ICE2: variants seen among roughly 807,000 people sequenced by gnomAD.
ICE2 encodes interactor of little elongation complex ELL subunit 2.
A neutral mutation model predicts 105.4 loss-of-function variants in ICE2; 87 were observed. The observed-to-expected ratio is 0.83, with a 90% CI of 0.69 to 0.99. ICE2 has a LOEUF of 0.99. ICE2 is among the 50% of genes least tolerant of loss of function. The pLI, the probability that ICE2 is intolerant of heterozygous loss-of-function variation, is 0.00. For missense variants in ICE2, 1,323 were observed against 1,146.7 expected (o/e 1.15, Z -2.22); for synonymous variants, 399 against 392.0 (o/e 1.02, Z -0.21).
rs570125658 is a variant in ICE2 at position 60,424,956 on chromosome 15, C to T, written c.2821-1194G>A. On this transcript the variant is annotated intron_variant, in intron 15 of 15. Transcript: ENST00000261520. The stretch of plus-strand genomic sequence containing the variant: ...TTTCCACAGAACCTGCCCATATCTG[C>T]CTTTATTTTCCCTGGCCACCTTGTT... Among the ~76,000 whole-genome samples the T allele has an allele frequency of 1.7e-4, 26 of 152,312 alleles. 1 individual carries two copies. The South Asian group carries it at 2.7e-3, about 16-fold the overall frequency.
chr15:60,463,509 C>T (rs979038171), intron 5 of ICE2, among the ~76,000 whole-genome samples: 1 of 152,224 alleles, frequency 6.6e-6, no homozygotes, highest in Non-Finnish European at 1.5e-5. Flanking sequence ...CACGGTGGCT[C>T]ACGCCTATAA....
In ICE2 at chr15:60,458,511, T is replaced by C. The variant is rs542396121; in HGVS notation, c.529-1717A>G. Among the ~76,000 whole-genome samples, 46 of 152,214 alleles carry C rather than the reference T, an allele frequency of 3.0e-4. 1 individual carries two copies. The highest frequency in any genetic ancestry group is 3.4e-3 in the Middle Eastern group (1 of 294). On this transcript the variant is annotated intron_variant, in intron 5 of 15. Transcript: ENST00000261520. ...GAGGAGAAACTAGAGCAGTGAGCAG[T>C]AAGAAAACCTATGAAAGGTGAGGTG...
intron 11 of ICE2, among the ~76,000 whole-genome samples, chr15:60,444,745 C>T (rs539576781): frequency 1.3e-5 from 2 of 151,996 alleles, no homozygotes; most frequent in African/African-American, 4.8e-5. Flanking sequence ...AGTACAATGA[C>T]GCAATCTCAG....
At position 60,443,668 on chromosome 15, in the gene ICE2, C is replaced by T. The variant is rs370821992; in HGVS notation, c.2296-1123G>A. ...GTAGGTAAGGCCTCCAGTGTGTCTT[C>T]TCAATTAAAAACAAAATTAAATGTG... On this transcript the variant is annotated intron_variant, in intron 11 of 15. Coordinates refer to ENST00000261520, the MANE Select transcript of ICE2 (RefSeq NM_024611.6). 4.6e-5 allele frequency among the ~76,000 whole-genome samples: 7 copies of T among 152,256 alleles called. No homozygotes were observed. In the East Asian group the frequency reaches 7.7e-4, roughly 17 times the overall value.
intron 5 of ICE2, among the ~76,000 whole-genome samples, chr15:60,459,158 G>GT (rs1171898883): frequency 1.3e-5 from 2 of 152,118 alleles, no homozygotes; most frequent in Non-Finnish European, 2.9e-5. Flanking sequence ...ACTGAAAATG[G>GT]TTGAGAATTC....
At chr15:60,475,693 T>C (rs1312590251) in intron 3 of ICE2, among the ~76,000 whole-genome samples, 4 of 152,148 alleles carry the variant, frequency 2.6e-5, no homozygotes, top group Admixed American at 1.3e-4. Context: ...TGTATATGTA[T>C]GTGTGCGTGT....
At chr15:60,468,522 T>C (rs2064494029) in intron 3 of ICE2, among the ~76,000 whole-genome samples, 200 bp from the exon 4 acceptor site, 1 of 152,252 alleles carries the variant, frequency 6.6e-6, no homozygotes, top group African/African-American at 2.4e-5. Flanking sequence ...ATGATCACAA[T>C]GCAAACTTAC....
intron 13 of ICE2, 55 bp from the exon 14 acceptor site, chr15:60,432,039 C>A: frequency 1.1e-6 from 1 of 910,108 alleles, no homozygotes; most frequent in Non-Finnish European, 1.8e-6. Context: ...TTACTTTTAG[C>A]AATTATAGCT....
Position 60,465,006 on chromosome 15 carries a change from C to A in ICE2, c.528+1588G>T, listed in dbSNP as rs565075658. ...ACTATGACTTATGTATTAAAAACAT[C>A]ATTCTGGTCTTTTAAAAGGCACTAT... On this transcript the variant is annotated intron_variant, in intron 5 of 15. Transcript: ENST00000261520. Among the ~76,000 whole-genome samples the A allele has an allele frequency of 5.3e-5, 8 of 152,286 alleles. 2 individuals carry two copies. Among genetic ancestry groups the A allele is most frequent in the African/African-American group, 1.9e-4 (8 of 41,568 alleles).
In ICE2 at chr15:60,428,551, A is replaced by C; in HGVS notation, c.2698T>G (p.Ser900Ala). 6.2e-7 allele frequency: 1 copy of C among 1,614,170 alleles called. No individual in the cohort carries two copies. Among genetic ancestry groups the C allele is most frequent in the Non-Finnish European group, 8.5e-7 (1 of 1,180,028 alleles). ...GGGACCCAGGGAACTGAGAGACTGGAAGGTACACCAGGAAGGCCGCAATGT... is the reference window on the plus strand; with the variant it reads ...GGGACCCAGGGAACTGAGAGACTGGCAGGTACACCAGGAAGGCCGCAATGT... ...KTHCGLPGVP[S>A]SLSVPWVPLD... The change falls in exon 15 of 16, where the codon TCC becomes GCC. Residue 900 changes from serine to alanine, a missense_variant. Physicochemically the swap from Ser to Ala is moderately conservative, Grantham distance 99 (BLOSUM62 1). Transcript: ENST00000261520.
intron 15 of ICE2, among the ~76,000 whole-genome samples, chr15:60,427,243 G>C (rs1036928045): frequency 2.6e-5 from 4 of 152,140 alleles, no homozygotes; most frequent in African/African-American, 9.7e-5. Flanking sequence ...ATTCAGTATA[G>C]TACAGACAGT....
At chr15:60,465,349 C>T (rs1427112896) in intron 5 of ICE2, among the ~76,000 whole-genome samples, 1 of 152,128 alleles carries the variant, frequency 6.6e-6, no homozygotes, top group Non-Finnish European at 1.5e-5. Context: ...AGGCACATGC[C>T]ACCATGCCAG....
chr15:60,453,018 G>A (rs1277855691), intron 9 of ICE2: 89 of 924,832 alleles, frequency 9.6e-5, no homozygotes, highest in Admixed American at 4.9e-4. Flanking sequence ...ATCACCTGAA[G>A]TCAGAAGTTT....
Position 60,468,199 on chromosome 15 carries a change from T to C in ICE2, c.270A>G (p.Pro90=). ...GAGAGAAACGAGGATAAGGAACTCT[T>C]GGTTTTGGAAGAAGAACCATTCCAA... ...TTIGMVLLPK[P]RVPYPRFSRF... The change falls in exon 4 of 16, where the codon CCA becomes CCG. Residue 90 remains proline, a synonymous_variant. Transcript: ENST00000261520. 1 of 1,614,098 alleles carries C rather than the reference T, an allele frequency of 6.2e-7. No individual in the cohort carries two copies. The highest frequency in any genetic ancestry group is 1.3e-5 in the African/African-American group (1 of 75,058).
intron 4 of ICE2, among the ~76,000 whole-genome samples, chr15:60,467,497 T>A (rs947799122): frequency 1.3e-5 from 2 of 152,182 alleles, no homozygotes; most frequent in African/African-American, 4.8e-5. Flanking sequence ...TTTTTTAAAT[T>A]TGATTTCGAT....
intron 10 of ICE2, 68 bp downstream of exon 10, chr15:60,448,780 C>T (rs766722051): frequency 1.1e-5 from 15 of 1,329,280 alleles, no homozygotes; most frequent in South Asian, 1.0e-4. Flanking sequence ...AGTAAAGGAA[C>T]GAGGGAGAAA....
chr15:60,423,579 A>G lies in ICE2; in HGVS notation c.*55T>C. The G allele has an allele frequency of 6.7e-7, 1 of 1,502,068 alleles. No individual in the cohort carries two copies. Among genetic ancestry groups the G allele is most frequent in the Non-Finnish European group, 8.9e-7 (1 of 1,121,300 alleles). 93.0% of individuals were successfully genotyped at this position (1,502,068 alleles called of 1,614,324 possible). On this transcript the variant is annotated 3_prime_UTR_variant, in exon 16 of 16. Transcript: ENST00000261520. ...TGATTATTTTCCCTCAAACTTATCT[A>G]AATTAAACACTGTTATAACTGTTTT... is the stretch of plus-strand genomic sequence containing the variant.
chr15:60,445,392 G>A (rs74017199), intron 11 of ICE2: 3,554 of 198,616 alleles, frequency 0.018, 157 homozygotes, highest in African/African-American at 0.08. Flanking sequence ...AATTTCCAGA[G>A]GATAAAATAT....
chr15:60,430,545 G>A (rs928161577), intron 14 of ICE2, among the ~76,000 whole-genome samples: 13 of 152,096 alleles, frequency 8.5e-5, no homozygotes, highest in African/African-American at 3.1e-4. Flanking sequence ...TCATGCATAA[G>A]CTTTGTATAT....
Sources: allele counts gnomAD v4.1 joint callset (sites outside exome capture counted in the v4.1 genomes callset), GRCh38; gene constraint gnomAD v4.1.1; transcripts MANE v1.5; gene names NCBI Gene and HGNC (gene_info 2026-07-23, HGNC 2026-07-21).